Variants in ASB3 observed in about 807,000 individuals in gnomAD.
The protein encoded by ASB3 is ankyrin repeat and SOCS box protein 3.
In ASB3, 41 loss-of-function variants were observed where a neutral mutation model predicts 54.5. The ratio of observed to expected loss-of-function variants is 0.75; its 90% confidence interval spans 0.59 to 0.98. The LOEUF is 0.98. Among genes scored for constraint, ASB3 ranks in the 50% least tolerant of loss-of-function variants. The pLI is 0.00. For synonymous variants in ASB3, 266 were observed against 221.2 expected (o/e 1.20, Z -1.80); for missense variants, 733 against 620.0 (o/e 1.18, Z -1.94).
At chr2:53,698,524 C>G (rs904785252) in intron 8 of ASB3, among the ~76,000 whole-genome samples, 3 of 152,182 alleles carry the variant, frequency 2.0e-5, no homozygotes, top group Non-Finnish European at 4.4e-5. Context: ...CATGCAGCAG[C>G]CTGAATGCTT....
intron 6 of ASB3, among the ~76,000 whole-genome samples, chr2:53,716,172 C>T (rs1670377410): frequency 6.6e-6 from 1 of 152,160 alleles, no homozygotes; most frequent in Non-Finnish European, 1.5e-5. Flanking sequence ...CACACTCCAA[C>T]AGGCATCACA....
At chr2:53,706,941 G>A (rs999532733) in intron 7 of ASB3, among the ~76,000 whole-genome samples, 2 of 152,116 alleles carry the variant, frequency 1.3e-5, no homozygotes, top group Non-Finnish European at 2.9e-5. Flanking sequence ...TTGTCTTTAG[G>A]AACACTGGGT....
chr2:53,751,058 G>C (rs1572965715), intron 2 of ASB3, 117 bp from the exon 3 acceptor site: 2 of 1,219,482 alleles, frequency 1.6e-6, no homozygotes, highest in East Asian at 2.9e-5. Flanking sequence ...ATGTATAAAT[G>C]ACAGGTTTCA....
intron 7 of ASB3, among the ~76,000 whole-genome samples, chr2:53,708,369 C>T (rs1669905369): frequency 1.3e-5 from 2 of 152,230 alleles, no homozygotes; most frequent in African/African-American, 2.4e-5. Context: ...ATCATGGTTC[C>T]TGTACAACCT....
chr2:53,681,496 G>A lies in ASB3; in HGVS notation c.1370-10806C>T, dbSNP rs1668369515. On this transcript the variant is annotated intron_variant, in intron 9 of 9. Coordinates refer to ENST00000263634, the MANE Select transcript of ASB3 (RefSeq NM_016115.5). ...CCAATGTTTTCTTTTAGTAGTTAGA[G>A]GTCTTAAACTCTTTAATGCATTTTT... Among the ~76,000 whole-genome samples the A allele has an allele frequency of 2.6e-5, 4 of 152,156 alleles. No homozygotes were observed. In the East Asian group the frequency reaches 5.8e-4, roughly 22 times the overall value.
At chr2:53,726,607 C>T (rs1218232171) in intron 5 of ASB3, among the ~76,000 whole-genome samples, 3 of 150,822 alleles carry the variant, frequency 2.0e-5, no homozygotes, top group African/African-American at 7.3e-5. Flanking sequence ...TACACACACA[C>T]ATATATATAC....
chr2:53,717,454 CA>C (rs1254116762), intron 5 of ASB3, among the ~76,000 whole-genome samples: 1 of 151,928 alleles, frequency 6.6e-6, no homozygotes, highest in Non-Finnish European at 1.5e-5. Flanking sequence ...GGGTCTCTTT[CA>C]ACAGGTTTCT....
At chr2:53,774,555 A>T in intron 1 of ASB3, 2 of 1,443,048 alleles carry the variant, frequency 1.4e-6, no homozygotes, top group Non-Finnish European at 9.3e-7. Flanking sequence ...ACTTCAGTGC[A>T]CAATGACAAT....
Position 53,670,559 on chromosome 2 carries a change from C to T in ASB3, c.1501G>A (p.Glu501Lys), listed in dbSNP as rs1667756632. ...ACTTCATACATCCTCAGAACGTCTT[C>T]ATAGAGCAAATAATTATGTAGGCTT... is the stretch of plus-strand genomic sequence containing the variant. ...PRSLHNYLLY[E>K]DVLRMYEVPE... The change falls in exon 10 of 10, where the codon GAA becomes AAA. Residue 501 changes from glutamate (E) to lysine (K), a missense_variant. Coordinates refer to ENST00000263634, the MANE Select transcript of ASB3 (RefSeq NM_016115.5). 6.2e-7 allele frequency: 1 copy of T among 1,613,978 alleles called. No individual in the cohort carries two copies. Among genetic ancestry groups the T allele is most frequent in the Non-Finnish European group, 8.5e-7 (1 of 1,179,984 alleles).
rs1288906900 is a variant in ASB3, at chr2:53,694,172, A to G, written c.1239-158T>C. 38 of 731,056 alleles carry G rather than the reference A, an allele frequency of 5.2e-5. No homozygotes were observed. The Admixed American group carries it at 1.2e-3, about 23-fold the overall frequency. 45.3% of individuals were successfully genotyped at this position (731,056 alleles called of 1,614,324 possible). The stretch of plus-strand genomic sequence containing the variant: ...TATTTATGTAACTAGAGGCAAGATC[A>G]GAGGATATTAACAATCATCTACAGG... On this transcript the variant is annotated intron_variant, in intron 8 of 9. Coordinates refer to ENST00000263634, the MANE Select transcript of ASB3 (RefSeq NM_016115.5).
intron 4 of ASB3, 36 bp downstream of exon 4, chr2:53,729,422 T>C: frequency 6.2e-7 from 1 of 1,607,048 alleles, no homozygotes; most frequent in Non-Finnish European, 8.5e-7. Flanking sequence ...AAACACACAA[T>C]TTACATGGAA....
At chr2:53,699,151 G>C (rs962082905) in intron 8 of ASB3, among the ~76,000 whole-genome samples, 3 of 152,178 alleles carry the variant, frequency 2.0e-5, no homozygotes, top group Non-Finnish European at 4.4e-5. Flanking sequence ...CACTCGGTGA[G>C]AGAACAAAAG....
intron 2 of ASB3, among the ~76,000 whole-genome samples, chr2:53,753,678 C>T (rs1248632166): frequency 6.6e-6 from 1 of 151,378 alleles, no homozygotes; most frequent in African/African-American, 2.4e-5. Context: ...ACAGTGTTGC[C>T]CAGGATGGAG....
chr2:53,714,682 C>G, intron 6 of ASB3, 101 bp from the exon 7 acceptor site: 2 of 1,191,322 alleles, frequency 1.7e-6, no homozygotes, highest in Non-Finnish European at 2.4e-6. Flanking sequence ...CCAACTGATT[C>G]ATTTAAAGAA....
At chr2:53,733,020 G>T (rs1197985845) in intron 3 of ASB3, among the ~76,000 whole-genome samples, 1 of 152,156 alleles carries the variant, frequency 6.6e-6, no homozygotes, top group African/African-American at 2.4e-5. Flanking sequence ...AGAAAACCAA[G>T]TATAAGAGCA....
intron 9 of ASB3, among the ~76,000 whole-genome samples, chr2:53,678,453 T>G (rs1424373350): frequency 6.6e-6 from 1 of 152,264 alleles, no homozygotes; most frequent in African/African-American, 2.4e-5. Flanking sequence ...CAGAAAATAC[T>G]ACTTCTTTAC....
intron 1 of ASB3, chr2:53,771,903 A>T: frequency 1.7e-5 from 26 of 1,560,906 alleles, no homozygotes; most frequent in Non-Finnish European, 2.2e-5. Flanking sequence ...CCTTTTTAAA[A>T]CAGCCTGGAA....
At chr2:53,756,690 T>C (rs1167760338) in intron 2 of ASB3, among the ~76,000 whole-genome samples, 1 of 152,170 alleles carries the variant, frequency 6.6e-6, no homozygotes, top group Non-Finnish European at 1.5e-5. Flanking sequence ...GTTTTCACTC[T>C]ATTAAATCTT....
At chr2:53,671,440 G>A (rs1195281518) in intron 9 of ASB3, among the ~76,000 whole-genome samples, 2 of 150,398 alleles carry the variant, frequency 1.3e-5, no homozygotes, top group Non-Finnish European at 3.0e-5. Context: ...ACCAATTAAA[G>A]GACAATTCAA....
Sources: allele counts gnomAD v4.1 joint callset (sites outside exome capture counted in the v4.1 genomes callset), GRCh38; gene constraint gnomAD v4.1.1; transcripts MANE v1.5; gene names NCBI Gene and HGNC (gene_info 2026-07-23, HGNC 2026-07-21).